Variants in CAPN5 observed in about 807,000 individuals in gnomAD.
The protein encoded by CAPN5 is calpain 5.
Under a neutral mutation model 73.0 loss-of-function variants are expected in CAPN5, and 54 were observed. That is an observed-to-expected ratio of 0.74 (90% CI 0.59 to 0.93). CAPN5 has a LOEUF of 0.93. Ranked by LOEUF, CAPN5 falls within the 40% of genes least tolerant of loss-of-function variation. The pLI is 0.00. For synonymous variants in CAPN5, 335 were observed against 356.9 expected (o/e 0.94, Z 0.69); for missense variants, 785 against 882.9 (o/e 0.89, Z 1.41).
intron 4 of CAPN5, among the ~76,000 whole-genome samples, chr11:77,113,129 C>A (rs1555041048): frequency 6.6e-6 from 1 of 152,246 alleles, no homozygotes; most frequent in African/African-American, 2.4e-5. Flanking sequence ...CTGCCATGCC[C>A]TGCCTGGGGC....
chr11:77,077,878 A>G (rs1949989356), intron 1 of CAPN5, among the ~76,000 whole-genome samples: 1 of 152,140 alleles, frequency 6.6e-6, no homozygotes, highest in Non-Finnish European at 1.5e-5. Flanking sequence ...AGAAATGTCT[A>G]TTCAGATCAT....
chr11:77,093,706 T>C lies in CAPN5; in HGVS notation c.190T>C (p.Phe64Leu), dbSNP rs781925328. Residue 64 changes from phenylalanine (F) to leucine (L), a missense_variant, in exon 3 of 13, where the codon TTT becomes CTT. Transcript: ENST00000648180. ...PKGICEDPRLFVDGISSHDLH... is the reference protein window; with the variant it reads ...PKGICEDPRLLVDGISSHDLH... ...GGGCATCTGCGAGGACCCCCGCCTC[T>C]TTGTGGATGGCATCAGCTCCCACGA... The C allele has an allele frequency of 1.9e-6, 3 of 1,607,444 alleles. No individual in the cohort carries two copies. Among genetic ancestry groups the C allele is most frequent in the Non-Finnish European group, 2.5e-6 (3 of 1,178,462 alleles).
At chr11:77,106,222 C>A (rs1555039830) in intron 3 of CAPN5, among the ~76,000 whole-genome samples, 1 of 152,010 alleles carries the variant, frequency 6.6e-6, no homozygotes, top group East Asian at 1.9e-4. Context: ...CTTTCACACA[C>A]CCCTCACAGC....
At chr11:77,087,723 T>A (rs555465233) in intron 2 of CAPN5, among the ~76,000 whole-genome samples, 4 of 152,240 alleles carry the variant, frequency 2.6e-5, no homozygotes, top group East Asian at 3.9e-4. Context: ...TGTGGTGTCA[T>A]ACACATGGGA....
At chr11:77,073,754 G>C (rs1555033528) in intron 1 of CAPN5, among the ~76,000 whole-genome samples, 1 of 152,198 alleles carries the variant, frequency 6.6e-6, no homozygotes, top group Admixed American at 6.5e-5. Context: ...GATAAGGGAA[G>C]GAGAGGGGAG....
intron 3 of CAPN5, among the ~76,000 whole-genome samples, chr11:77,110,522 G>C (rs116317722): frequency 2.5e-4 from 38 of 152,328 alleles, no homozygotes; most frequent in African/African-American, 9.1e-4. Flanking sequence ...AGACAGTGAG[G>C]TTGGGAAGTC....
intron 3 of CAPN5, among the ~76,000 whole-genome samples, chr11:77,104,004 T>C (rs2135459352): frequency 6.6e-6 from 1 of 152,328 alleles, no homozygotes; most frequent in South Asian, 2.1e-4. Context: ...CACAGAGATC[T>C]GTCTCTACGC....
chr11:77,075,728 C>A (rs1345578301), intron 1 of CAPN5, among the ~76,000 whole-genome samples: 2 of 152,212 alleles, frequency 1.3e-5, no homozygotes, highest in East Asian at 3.9e-4. Context: ...CAGACAGGTG[C>A]ATAGGTCTTA....
At chr11:77,123,204 G>C (rs782547065) in intron 12 of CAPN5, among the ~76,000 whole-genome samples, 21 of 152,198 alleles carry the variant, frequency 1.4e-4, no homozygotes, top group Non-Finnish European at 1.3e-4. Flanking sequence ...TGGCCCCCAG[G>C]CCTTGATCAG....
At chr11:77,078,506 C>T (rs1555034183) in intron 1 of CAPN5, among the ~76,000 whole-genome samples, 1 of 152,084 alleles carries the variant, frequency 6.6e-6, no homozygotes, top group Non-Finnish European at 1.5e-5. Context: ...GTGATCCCTC[C>T]AGCTTTGTTC....
chr11:77,080,926 C>T (rs1323936903), intron 1 of CAPN5, among the ~76,000 whole-genome samples: 3 of 152,192 alleles, frequency 2.0e-5, no homozygotes, highest in Non-Finnish European at 4.4e-5. Flanking sequence ...TCCTGAAGCT[C>T]CCTGGTGAGC....
At position 77,125,795 on chromosome 11, in the gene CAPN5, C is replaced by T. The variant is rs1950569924; in HGVS notation, c.*1925C>T. 6.6e-6 allele frequency: 1 copy of T among 152,546 alleles called. No homozygotes were observed. The highest frequency in any genetic ancestry group is 6.5e-5 in the Admixed American group (1 of 15,276). 9.4% of individuals were successfully genotyped at this position (152,546 alleles called of 1,614,324 possible). A position where few individuals can be genotyped will look rare whatever the true frequency, so the allele number is the denominator to read the frequency against. On this transcript the variant is annotated 3_prime_UTR_variant, in exon 13 of 13. Coordinates refer to ENST00000648180, the MANE Select transcript of CAPN5 (RefSeq NM_004055.5). ...GGCACACCAGGACCAAGTGGCAGAC[C>T]TGTGGGCTTCAGCCTCGGGGCCGGG...
chr11:77,079,515 A>C (rs1257349727), intron 1 of CAPN5, among the ~76,000 whole-genome samples: 2 of 152,182 alleles, frequency 1.3e-5, no homozygotes, highest in African/African-American at 2.4e-5. Flanking sequence ...ATATACAAGA[A>C]CTTATTGATC....
intron 3 of CAPN5, among the ~76,000 whole-genome samples, chr11:77,097,051 T>A (rs1555037570): frequency 1.3e-5 from 2 of 151,976 alleles, no homozygotes; most frequent in African/African-American, 4.8e-5. Context: ...TGAAACCCCG[T>A]CTCTACTAAA....
At chr11:77,101,159 G>A (rs1006840813) in intron 3 of CAPN5, among the ~76,000 whole-genome samples, 1 of 152,150 alleles carries the variant, frequency 6.6e-6, no homozygotes, top group Non-Finnish European at 1.5e-5. Flanking sequence ...TCGATCATTC[G>A]TTCATTCATT....
chr11:77,102,726 G>C, intron 3 of CAPN5: 4 of 1,256,056 alleles, frequency 3.2e-6, no homozygotes, highest in Non-Finnish European at 4.3e-6. Flanking sequence ...AAAGGGAGGG[G>C]AAGAGGGAAG....
chr11:77,116,522 G>A (rs1209523479), intron 7 of CAPN5, among the ~76,000 whole-genome samples: 3 of 152,200 alleles, frequency 2.0e-5, no homozygotes, highest in Non-Finnish European at 2.9e-5. Context: ...AGTCCCCTCT[G>A]CCGAACTGAG....
At chr11:77,086,097 C>T (rs1416369887) in intron 2 of CAPN5, among the ~76,000 whole-genome samples, 3 of 152,204 alleles carry the variant, frequency 2.0e-5, no homozygotes, top group Non-Finnish European at 4.4e-5. Context: ...TGTGGAGAGC[C>T]ATGCCTGGGG....
At chr11:77,103,852 G>A (rs1298303058) in intron 3 of CAPN5, among the ~76,000 whole-genome samples, 5 of 152,268 alleles carry the variant, frequency 3.3e-5, no homozygotes, top group African/African-American at 7.2e-5. Context: ...ATAACACGTC[G>A]ACAACCCTCA....
Sources: allele counts gnomAD v4.1 joint callset (sites outside exome capture counted in the v4.1 genomes callset), GRCh38; gene constraint gnomAD v4.1.1; transcripts MANE v1.5; gene names NCBI Gene and HGNC (gene_info 2026-07-23, HGNC 2026-07-21).